Variants in WNT10A observed in about 807,000 individuals in gnomAD.
WNT10A encodes protein Wnt-10a.
A neutral mutation model predicts 36.1 loss-of-function variants in WNT10A; 37 were observed. The observed-to-expected ratio is 1.02, with a 90% CI of 0.79 to 1.35. WNT10A has a LOEUF of 1.35. WNT10A is among the 40% of genes most tolerant of loss of function. The pLI is 0.00. For synonymous variants in WNT10A, 255 were observed against 254.1 expected, an observed-to-expected ratio of 1.00 and a Z score of -0.03; for missense variants, 613 against 601.4, an observed-to-expected ratio of 1.02 and a Z score of -0.20.
upstream of WNT10A, among the ~76,000 whole-genome samples, chr2:218,878,263 C>G (rs1944470674): frequency 6.6e-6 from 1 of 152,136 alleles, no homozygotes; most frequent in Admixed American, 6.5e-5. This position sits in a 1 kb window ranked among gnomAD's most constrained non-coding sequence, Gnocchi z 4.1. Context: ...TGCCAAGGCT[C>G]TGGACCAACA....
chr2:218,880,696 A>G, upstream of WNT10A: 1 of 333,490 alleles, frequency 3.0e-6, no homozygotes, highest in Non-Finnish European at 5.5e-6. This position sits in a 1 kb window ranked among gnomAD's most constrained non-coding sequence, Gnocchi z 7.7. Flanking sequence ...GGCCCCCCTT[A>G]CCCTTGAGAG....
chr2:218,878,847 C>T (rs1944477016), upstream of WNT10A, among the ~76,000 whole-genome samples: 7 of 152,192 alleles, frequency 4.6e-5, no homozygotes, highest in Admixed American at 4.6e-4. This position sits in a 1 kb window ranked among gnomAD's most constrained non-coding sequence, Gnocchi z 4.1. Flanking sequence ...TGCTGGTGTC[C>T]TCTCTCATCC....
intron 2 of WNT10A, 45 bp downstream of exon 2, chr2:218,882,468 TC>T: frequency 4.3e-6 from 7 of 1,611,160 alleles, no homozygotes; most frequent in Non-Finnish European, 5.9e-6. Flanking sequence ...ATCCAGCATC[TC>T]CACCTCAGAA....
At chr2:218,888,916 T>TTTTATTTA (rs145817678) in intron 2 of WNT10A, among the ~76,000 whole-genome samples, 1 of 152,174 alleles carries the variant, frequency 6.6e-6, no homozygotes, top group African/African-American at 2.4e-5. Context: ...TGAAATATCA[T>TTTTATTTA]TTTATTTATT....
chr2:218,890,717 T>C (rs1398132412), intron 3 of WNT10A, among the ~76,000 whole-genome samples: 1 of 152,288 alleles, frequency 6.6e-6, no homozygotes, highest in African/African-American at 2.4e-5. Context: ...TCCTCCCCTA[T>C]AGAGTGACAA....
At chr2:218,892,009 G>A (rs1247410159) in intron 3 of WNT10A, among the ~76,000 whole-genome samples, 1 of 152,056 alleles carries the variant, frequency 6.6e-6, no homozygotes, top group Non-Finnish European at 1.5e-5. Flanking sequence ...ACCTCCCTTG[G>A]AGGCCTGAGA....
intron 3 of WNT10A, among the ~76,000 whole-genome samples, chr2:218,892,082 G>A (rs936145047): frequency 1.3e-5 from 2 of 152,060 alleles, no homozygotes; most frequent in Admixed American, 6.5e-5. Flanking sequence ...GTATTAGGTA[G>A]AGCTTTGGCC....
Position 218,885,599 on chromosome 2 carries a change from C to G in WNT10A, c.376+3176C>G, listed in dbSNP as rs534838855. Among the ~76,000 whole-genome samples the G allele has an allele frequency of 2.0e-5, 3 of 152,350 alleles. No homozygotes were observed. The South Asian group carries it at 6.2e-4, about 32-fold the overall frequency. ...TTTAGGTACTGTCTTCCCTAAGGCC[C>G]AGACCCATCTGGAATAGATGGAAAG... is the stretch of plus-strand genomic sequence containing the variant. On this transcript the variant is annotated intron_variant, in intron 2 of 3. Coordinates refer to ENST00000258411, the MANE Select transcript of WNT10A (RefSeq NM_025216.3).
At position 218,881,026 on chromosome 2, in the gene WNT10A, C is replaced by G. The variant is rs1431999158; in HGVS notation, c.31C>G (p.Arg11Gly). The change falls in exon 1 of 4, where the codon CGG becomes GGG. Residue 11 changes from arginine to glycine, a missense_variant. By Grantham distance (125) the Arg-to-Gly change is moderately radical. Coordinates refer to ENST00000258411, the MANE Select transcript of WNT10A (RefSeq NM_025216.3). The stretch of plus-strand genomic sequence containing the variant: ...CAGCGCCCACCCTCGCCCCTGGCTG[C>G]GGCTCCGACCCCAGCCCCAGCCGCG... MGSAHPRPWL[R>G]LRPQPQPRPA... is the part of the protein sequence containing the mutation. 1.3e-6 allele frequency: 2 copies of G among 1,597,742 alleles called. No homozygotes were observed. The highest frequency in any genetic ancestry group is 1.7e-6 in the Non-Finnish European group (2 of 1,172,362).
chr2:218,874,189 G>A, the WNT10A span: 1 of 306,456 alleles, frequency 3.3e-6, no homozygotes, highest in Admixed American at 5.1e-5. Context: ...GCTGGCCACA[G>A]GATGGTGGGT....
At chr2:218,886,048 C>G (rs1204189184) in intron 2 of WNT10A, among the ~76,000 whole-genome samples, 1 of 152,150 alleles carries the variant, frequency 6.6e-6, no homozygotes, top group African/African-American at 2.4e-5. Context: ...AGCCATAGAT[C>G]TAGGAGTCAA....
chr2:218,878,812 C>T (rs138747956), upstream of WNT10A, among the ~76,000 whole-genome samples: 1,434 of 152,292 alleles, frequency 9.4e-3, 7 homozygotes, highest in Non-Finnish European at 0.014. The surrounding 1 kb of genome is among the most constrained non-coding windows in gnomAD (Gnocchi z 4.1). Flanking sequence ...TCCCCAACAG[C>T]CAATAAGAAT....
the WNT10A span, among the ~76,000 whole-genome samples, chr2:218,875,650 C>T: frequency 6.6e-6 from 1 of 152,208 alleles, no homozygotes; most frequent in South Asian, 2.1e-4. Flanking sequence ...AAATTAATTC[C>T]ACCTCTCAAT....
At position 218,893,182 on chromosome 2, in the gene WNT10A, A is replaced by C; in HGVS notation, c.1165A>C (p.Ser389Arg). 1 of 1,581,040 alleles carries C rather than the reference A, an allele frequency of 6.3e-7. No homozygotes were observed. Among genetic ancestry groups the C allele is most frequent in the Non-Finnish European group, 8.5e-7 (1 of 1,170,372 alleles). Residue 389 changes from serine to arginine, a missense_variant, in exon 4 of 4, where the codon AGC (serine) becomes CGC (arginine). Ser to Arg is a moderately radical substitution (Grantham distance 110). Coordinates refer to ENST00000258411, the MANE Select transcript of WNT10A (RefSeq NM_025216.3). The surrounding 1 kb of genome is among the most constrained non-coding windows in gnomAD (Gnocchi z 6.3). ...RGHNILRQTRSERCHCRFHWC... is the reference protein window; with the variant it reads ...RGHNILRQTRRERCHCRFHWC... Reference sequence around the variant, plus strand: ...CCACAACATCCTGCGCCAGACGCGCAGCGAGCGCTGCCACTGCCGCTTCCA... The same window carrying C: ...CCACAACATCCTGCGCCAGACGCGCCGCGAGCGCTGCCACTGCCGCTTCCA...
In WNT10A at chr2:218,893,246, C is replaced by A. The variant is rs778417803; in HGVS notation, c.1229C>A (p.Thr410Asn). Residue 410 changes from threonine (T) to asparagine (N), a missense_variant, in exon 4 of 4, where the codon ACC becomes AAC. Thr to Asn is a moderately conservative substitution (Grantham distance 65, BLOSUM62 0). Transcript: ENST00000258411. This position sits in a 1 kb window ranked among gnomAD's most constrained non-coding sequence, Gnocchi z 6.3. ...GTGGTCTGCGAAGAGTGCCGCATCA[C>A]CGAGTGGGTCAGCGTCTGCAAGTGA... is the stretch of plus-strand genomic sequence containing the variant. The part of the protein sequence containing the change: ...CFVVCEECRI[T>N]EWVSVCK The A allele has an allele frequency of 1.2e-5, 18 of 1,559,416 alleles. No homozygotes were observed. In the East Asian group the frequency reaches 3.9e-4, roughly 34 times the overall value.
upstream of WNT10A, among the ~76,000 whole-genome samples, chr2:218,879,164 G>A (rs1418262203): frequency 6.6e-6 from 1 of 151,776 alleles, no homozygotes; most frequent in East Asian, 1.9e-4. Flanking sequence ...GAAAGGAGGG[G>A]GGAGTATGCC....
chr2:218,882,324 A>G lies in WNT10A; in HGVS notation c.277A>G (p.Ile93Val), dbSNP rs6744926. 6.2e-7 allele frequency: 1 copy of G among 1,614,160 alleles called. No homozygotes were observed. The highest frequency in any genetic ancestry group is 1.1e-5 in the South Asian group (1 of 91,080). ...AGCCATACAGGGCATCCAGATCGCC[A>G]TCCACGAATGCCAACACCAATTCAG... ...ASAIQGIQIA[I>V]HECQHQFRDQ... Residue 93 changes from isoleucine to valine, a missense_variant, in exon 2 of 4, where the codon ATC becomes GTC. Transcript: ENST00000258411.
chr2:218,880,961 G>GC lies in WNT10A; in HGVS notation c.-29dup. Reference sequence around the variant, plus strand: ...GCTCTCCAGTCCCACTGGGCTGTGAGCCCCCCACTCCCAGCCCGTCAGGGC... The same window carrying GC: ...GCTCTCCAGTCCCACTGGGCTGTGAGCCCCCCCACTCCCAGCCCGTCAGGGC... On this transcript the variant is annotated 5_prime_UTR_variant, in exon 1 of 4. Coordinates refer to ENST00000258411, the MANE Select transcript of WNT10A (RefSeq NM_025216.3). The surrounding 1 kb of genome is among the most constrained non-coding windows in gnomAD (Gnocchi z 7.7). 5.8e-6 allele frequency: 9 copies of GC among 1,546,942 alleles called. No individual in the cohort carries two copies. The highest frequency in any genetic ancestry group is 7.9e-6 in the Non-Finnish European group (9 of 1,145,762).
chr2:218,891,050 G>C (rs1016657672), intron 3 of WNT10A, among the ~76,000 whole-genome samples: 64 of 152,190 alleles, frequency 4.2e-4, no homozygotes, highest in African/African-American at 1.5e-3. Context: ...GCACTGTCTT[G>C]AGCACTTTCC....
Sources: gnomAD v4.1 joint callset for allele counts (sites outside exome capture counted in the v4.1 genomes callset) on GRCh38, gnomAD v4.1.1 for gene constraint, Gnocchi (gnomAD v3.1) non-coding constraint, MANE v1.5 for transcripts, NCBI Gene and HGNC (gene_info 2026-07-23, HGNC 2026-07-21) for gene names.